KLHL35: variants seen among roughly 807,000 people sequenced by gnomAD.
The protein encoded by KLHL35 is kelch like family member 35, also known as kelch-like protein 35.
Under a neutral mutation model 44.0 loss-of-function variants are expected in KLHL35, and 50 were observed. The observed-to-expected ratio is 1.14, with a 90% confidence interval of 0.91 to 1.44. The LOEUF is 1.44. Ranked by LOEUF, KLHL35 falls within the 40% of genes most tolerant of loss-of-function variation. The pLI, the probability that KLHL35 is intolerant of heterozygous loss-of-function variation, is 0.00. For missense variants in KLHL35, 1,049 were observed against 887.8 expected (o/e 1.18, Z -2.31); for synonymous variants, 470 against 410.4 (o/e 1.15, Z -1.76).
chr11:75,422,598 G>C lies in KLHL35; in HGVS notation c.1734C>G (p.Ile578Met). 1.2e-6 allele frequency: 2 copies of C among 1,613,396 alleles called. No individual in the cohort carries two copies. The highest frequency in any genetic ancestry group is 1.7e-6 in the Non-Finnish European group (2 of 1,179,502). Residue 578 changes from isoleucine (I) to methionine (M), a missense_variant, in exon 7 of 7, where the codon ATC (isoleucine) becomes ATG (methionine). Ile to Met is a conservative substitution (Grantham distance 10). Transcript: ENST00000539798. ...CTSSHGCVTIIQSLGR is the reference protein window; with the variant it reads ...CTSSHGCVTIMQSLGR ...ATCTGAATCACCTGCCCAAGCTCTG[G>C]ATGATGGTGACACAGCCGTGGGAGC...
Position 75,430,180 on chromosome 11 carries a change from C to T in KLHL35, c.450G>A (p.Leu150=). 1 of 1,231,502 alleles carries T rather than the reference C, an allele frequency of 8.1e-7. No individual in the cohort carries two copies. The highest frequency in any genetic ancestry group is 1.0e-6 in the Non-Finnish European group (1 of 986,572). The allele number at this position is 1,231,502 out of a possible 1,614,324, so 76.3% of individuals were successfully genotyped here. Residue 150 remains leucine, a synonymous_variant, in exon 2 of 7, where the codon CTG becomes CTA. Transcript: ENST00000539798. ...EACVRFLEGR[L]RAANSLALRR... is the part of the protein sequence containing the mutation. ...GCAGCGCTAGGCTGTTGGCGGCGCG[C>T]AGGCGGCCCTCGAGAAAGCGCACGC...
Position 75,426,635 on chromosome 11 carries a change from C to T in KLHL35, c.1070G>A (p.Gly357Asp). The change falls in exon 4 of 7, where the codon GGC (glycine) becomes GAC (aspartate). Residue 357 changes from glycine to aspartate, a missense_variant. By Grantham distance (94) the Gly-to-Asp change is moderately conservative. Transcript: ENST00000539798. ...ALRNDVYVSG[G>D]HINSHDVWMF... ...CCACACATCATGACTGTTGATGTGG[C>T]CTCCTAGGGAGAGAGAAGCAGCTGT... 2 of 1,579,830 alleles carry T rather than the reference C, an allele frequency of 1.3e-6. No homozygotes were observed. Among genetic ancestry groups the T allele is most frequent in the Non-Finnish European group, 1.7e-6 (2 of 1,161,312 alleles).
At position 75,422,497 on chromosome 11, in the gene KLHL35, G is replaced by A. The variant is rs572434696; in HGVS notation, c.*83C>T. On this transcript the variant is annotated 3_prime_UTR_variant, in exon 7 of 7. Coordinates refer to ENST00000539798, the MANE Select transcript of KLHL35 (RefSeq NM_001039548.3). ...GACCATTAAGTTAAGGGCTGTTTGCGTGGAGGTGCCATGAGGGAGCAGAGT... is the reference window on the plus strand; with the variant it reads ...GACCATTAAGTTAAGGGCTGTTTGCATGGAGGTGCCATGAGGGAGCAGAGT... 8.4e-4 allele frequency: 1,099 copies of A among 1,305,878 alleles called. No individual in the cohort carries two copies. Among genetic ancestry groups the A allele is most frequent in the South Asian group, 2.7e-3 (213 of 78,342 alleles). 80.9% of individuals were successfully genotyped at this position (1,305,878 alleles called of 1,614,324 possible).
At chr11:75,425,613 G>A (rs576469794) in intron 4 of KLHL35, 32 bp from the exon 5 acceptor site, 6 of 1,441,840 alleles carry the variant, frequency 4.2e-6, no homozygotes, top group African/African-American at 3.0e-5. Context: ...GGGGAGCCGG[G>A]TGCCAGGGCC....
At chr11:75,426,316 T>C (rs1948492129) in intron 4 of KLHL35, 2 of 466,798 alleles carry the variant, frequency 4.3e-6, no homozygotes, top group East Asian at 3.5e-5. Context: ...CCAGAGCCCA[T>C]ACCCTTGACC....
rs1948457847 is a variant in KLHL35, at chr11:75,422,622, GC to G, written c.1709del (p.Ser570ThrfsTer49). 1 of 1,613,884 alleles carries G rather than the reference GC, an allele frequency of 6.2e-7. No individual in the cohort carries two copies. Among genetic ancestry groups the G allele is most frequent in the East Asian group, 2.2e-5 (1 of 44,878 alleles). On this transcript the variant is annotated frameshift_variant, in exon 7 of 7. Coordinates refer to ENST00000539798, the MANE Select transcript of KLHL35 (RefSeq NM_001039548.3). LOFTEE classifies it high-confidence loss of function. The stretch of plus-strand genomic sequence containing the variant: ...GGATGATGGTGACACAGCCGTGGGA[GC>G]TGGTGCAGCGCTGCAGGGATGGCTG... Reference protein sequence around the residue: ...EVQPSLQRCTSSHGCVTIIQS... With the variant: ...EVQPSLQRCTXSHGCVTIIQS...
chr11:75,422,830 T>C (rs1948461593), intron 6 of KLHL35, 62 bp from the exon 7 acceptor site: 4 of 1,491,258 alleles, frequency 2.7e-6, no homozygotes, highest in South Asian at 2.3e-5. Context: ...TGTCCCTGCC[T>C]GGCCAGGCCA....
At chr11:75,426,896 GT>G in intron 3 of KLHL35, 8 of 311,872 alleles carry the variant, frequency 2.6e-5, no homozygotes, top group South Asian at 8.3e-5. Flanking sequence ...CGGGCACCTT[GT>G]GGTGGTGGTG....
rs1321193908 is a variant in KLHL35 at position 75,428,574 on chromosome 11, C to T, written c.934G>A (p.Gly312Ser). ...TCGGCGAAGGGCAGCTTCAGGAGAC[C>T]TTTGCGGTCGCAACCGCCGATGACC... ...IVVIGGCDRK[G>S]LLKLPFADAY... Residue 312 changes from glycine (G) to serine (S), a missense_variant, in exon 3 of 7, where the codon GGT becomes AGT. Coordinates refer to ENST00000539798, the MANE Select transcript of KLHL35 (RefSeq NM_001039548.3). The T allele has an allele frequency of 2.5e-6, 4 of 1,607,462 alleles. No homozygotes were observed. In the African/African-American group the frequency reaches 5.3e-5, roughly 21 times the overall value.
At chr11:75,429,138 A>T (rs919197068) in intron 2 of KLHL35, among the ~76,000 whole-genome samples, 3 of 152,184 alleles carry the variant, frequency 2.0e-5, no homozygotes, top group African/African-American at 7.2e-5. Flanking sequence ...AATTCCATTA[A>T]GCCGGATAAC....
chr11:75,430,116 C>CGGCGAGCGG lies in KLHL35; in HGVS notation c.513_514insCCGCTCGCC (p.Pro169_Ala171dup). Reference sequence around the variant, plus strand: ...TGACGCAGGACGCGGCCGCAGCGCTCGGCCAGCGGGGCCAGCGAGAAGGCG... The same window carrying CGGCGAGCGG: ...TGACGCAGGACGCGGCCGCAGCGCTCGGCGAGCGGGGCCAGCGGGGCCAGCGAGAAGGCG... On this transcript the variant is annotated inframe_insertion, in exon 2 of 7. Transcript: ENST00000539798. The CGGCGAGCGG allele has an allele frequency of 2.3e-6, 3 of 1,280,168 alleles. No individual in the cohort carries two copies. The highest frequency in any genetic ancestry group is 2.9e-6 in the Non-Finnish European group (3 of 1,018,050). The allele number at this position is 1,280,168 out of a possible 1,614,324, so 79.3% of individuals were successfully genotyped here.
At position 75,428,760 on chromosome 11, in the gene KLHL35, G is replaced by A. The variant is rs1423780581; in HGVS notation, c.882-134C>T. On this transcript the variant is annotated intron_variant, in intron 2 of 6. Coordinates refer to ENST00000539798, the MANE Select transcript of KLHL35 (RefSeq NM_001039548.3). ...ATCACCCCCGCCCACCCGATCCCCCGGCCTCAATCCCGCTAGACCCTGCCA... is the reference window on the plus strand; with the variant it reads ...ATCACCCCCGCCCACCCGATCCCCCAGCCTCAATCCCGCTAGACCCTGCCA... The A allele has an allele frequency of 5.7e-6, 4 of 703,158 alleles. No homozygotes were observed. The Admixed American group carries it at 1.7e-4, about 30-fold the overall frequency. The allele number at this position is 703,158 out of a possible 1,614,324, so 43.6% of individuals were successfully genotyped here. A position where few individuals can be genotyped will look rare whatever the true frequency, so the allele number is the denominator to read the frequency against.
chr11:75,426,688 G>A, intron 3 of KLHL35, 50 bp from the exon 4 acceptor site: 1 of 1,331,016 alleles, frequency 7.5e-7, no homozygotes, highest in South Asian at 1.3e-5. Flanking sequence ...GCTATCCCAA[G>A]CACCCCCAAA....
In KLHL35 at chr11:75,428,462, C is replaced by T. The variant is rs913675243; in HGVS notation, c.1046G>A (p.Arg349His). The change falls in exon 3 of 7, where the codon CGC becomes CAC. Residue 349 changes from arginine (R) to histidine (H), a missense_variant. By Grantham distance (29) the Arg-to-His change is conservative (BLOSUM62 0). Transcript: ENST00000539798. ...CTCACCGGAGACGTAGACGTCATTG[C>T]GGAGAGCACAGGCGGCGAATTCTGA... The part of the protein sequence containing the change: ...TRSEFAACAL[R>H]NDVYVSGGHI... The T allele has an allele frequency of 3.1e-6, 5 of 1,612,462 alleles. No individual in the cohort carries two copies. Among genetic ancestry groups the T allele is most frequent in the East Asian group, 4.5e-5 (2 of 44,872 alleles).
rs1250188138 is a variant in KLHL35 at position 75,430,165 on chromosome 11, G to A, written c.465C>T (p.Ser155=). 4 of 1,239,668 alleles carry A rather than the reference G, an allele frequency of 3.2e-6. No homozygotes were observed. Among genetic ancestry groups the A allele is most frequent in the African/African-American group, 3.2e-5 (2 of 62,820 alleles). The allele number at this position is 1,239,668 out of a possible 1,614,324, so 76.8% of individuals were successfully genotyped here. A position where few individuals can be genotyped will look rare whatever the true frequency, so the allele number is the denominator to read the frequency against. ...FLEGRLRAAN[S]LALRRVAAAF... ...CGGCGGCCACGCGGCGCAGCGCTAG[G>A]CTGTTGGCGGCGCGCAGGCGGCCCT... Residue 155 remains serine (S), a synonymous_variant, in exon 2 of 7, where the codon AGC becomes AGT. Coordinates refer to ENST00000539798, the MANE Select transcript of KLHL35 (RefSeq NM_001039548.3).
At chr11:75,428,776 G>T in intron 2 of KLHL35, 150 bp from the exon 3 acceptor site, 2 of 637,752 alleles carry the variant, frequency 3.1e-6, no homozygotes, top group Non-Finnish European at 2.5e-6. Flanking sequence ...AATCCCGCTA[G>T]ACCCTGCCAC....
Position 75,429,782 on chromosome 11 carries a change from C to G in KLHL35, c.848G>C (p.Arg283Pro), listed in dbSNP as rs1308993561. The change falls in exon 2 of 7, where the codon CGC (arginine) becomes CCC (proline). Residue 283 changes from arginine (R) to proline (P), a missense_variant. Coordinates refer to ENST00000539798, the MANE Select transcript of KLHL35 (RefSeq NM_001039548.3). Reference protein sequence around the residue: ...LEARACFILGREAGALRTRPR... With the variant: ...LEARACFILGPEAGALRTRPR... ...CCGGGTCCGCAGCGCACCGGCCTCGCGGCCCAGGATGAAGCAGGCGCGAGC... is the reference window on the plus strand; with the variant it reads ...CCGGGTCCGCAGCGCACCGGCCTCGGGGCCCAGGATGAAGCAGGCGCGAGC... 1.3e-6 allele frequency: 2 copies of G among 1,501,958 alleles called. No homozygotes were observed. The highest frequency in any genetic ancestry group is 2.7e-5 in the East Asian group (1 of 36,626). The allele number at this position is 1,501,958 out of a possible 1,614,324, so 93.0% of individuals were successfully genotyped here. A position where few individuals can be genotyped will look rare whatever the true frequency, so the allele number is the denominator to read the frequency against.
At chr11:75,424,645 G>GTGCTCCTGA in intron 5 of KLHL35, 1 of 152,408 alleles carries the variant, frequency 6.6e-6, no homozygotes, top group East Asian at 1.9e-4. Flanking sequence ...GCTCCAGGAG[G>GTGCTCCTGA]GTTTGCTGGA....
intron 6 of KLHL35, 58 bp downstream of exon 6, chr11:75,423,634 C>A: frequency 6.9e-7 from 1 of 1,452,632 alleles, no homozygotes; most frequent in Middle Eastern, 1.8e-4. Context: ...TTCACAAGCT[C>A]CAAGATCCAG....
Sources: gnomAD v4.1 joint callset for allele counts (sites outside exome capture counted in the v4.1 genomes callset) on GRCh38, gnomAD v4.1.1 for gene constraint, MANE v1.5 for transcripts, NCBI Gene and HGNC (gene_info 2026-07-23, HGNC 2026-07-21) for gene names.